The following FOXP2 variants were observed in gnomAD, a reference collection of about 807,000 sequenced individuals.
FOXP2 encodes forkhead box protein P2.
In FOXP2, 12 loss-of-function variants were observed where a neutral mutation model predicts 115.8. The ratio of observed to expected loss-of-function variants is 0.10; its 90% CI spans 0.07 to 0.17. The LOEUF (loss-of-function observed/expected upper bound fraction) is 0.17. Among genes scored for constraint, FOXP2 ranks in the 10% least tolerant of loss-of-function variants. The pLI, the probability that FOXP2 is intolerant of heterozygous loss-of-function variation, is 1.00. For synonymous variants in FOXP2, 328 were observed against 297.7 expected (o/e 1.10, Z -1.05); for missense variants, 629 against 843.5 (o/e 0.75, Z 3.15).
chr7:114,318,689 A>C lies in FOXP2; in HGVS notation c.-11+30580A>C, dbSNP rs1797335178. 2.7e-5 allele frequency among the ~76,000 whole-genome samples: 4 copies of C among 149,036 alleles called. No homozygotes were observed. The South Asian group carries it at 8.4e-4, about 31-fold the overall frequency. On this transcript the variant is annotated intron_variant, in intron 2 of 17. Transcript: ENST00000634411. ...ATATTTTTTCCAATATCAGACAACT[A>C]TTTTGAGGATTTAGATAATTCATAT...
At chr7:114,530,855 A>G (rs574727478) in intron 2 of FOXP2, among the ~76,000 whole-genome samples, 1 of 151,956 alleles carries the variant, frequency 6.6e-6, no homozygotes, top group African/African-American at 2.4e-5. Context: ...TAAGTATTTT[A>G]GAGAAAAAAT....
At chr7:114,491,944 T>G (rs979102636) in intron 2 of FOXP2, among the ~76,000 whole-genome samples, 2 of 152,182 alleles carry the variant, frequency 1.3e-5, no homozygotes, top group African/African-American at 4.8e-5. Flanking sequence ...TTAGGGAGGA[T>G]TCCCTCTTTT....
Position 114,106,894 on chromosome 7 carries a change from T to C in FOXP2, c.-247+19056T>C, listed in dbSNP as rs145277042. 7.1e-3 allele frequency among the ~76,000 whole-genome samples: 1,084 copies of C among 152,148 alleles called. 16 individuals are homozygous for C. Among genetic ancestry groups the C allele is most frequent in the African/African-American group, 0.024 (1,010 of 41,548 alleles). ...AGACCTTATTTATTTGCTTTACGTA[T>C]GTTTTTAAGTTAATAAACTCATAGT... On this transcript the variant is annotated intron_variant, in intron 1 of 19. Transcript: ENST00000635638.
At position 114,650,035 on chromosome 7, in the gene FOXP2, T is replaced by C. The variant is rs1016449119; in HGVS notation, c.1095-2168T>C. Among the ~76,000 whole-genome samples, 4 of 152,280 alleles carry C rather than the reference T, an allele frequency of 2.6e-5. No homozygotes were observed. The East Asian group carries it at 7.7e-4, about 29-fold the overall frequency. On this transcript the variant is annotated intron_variant, in intron 8 of 16. Transcript: ENST00000350908. Reference sequence around the variant, plus strand: ...GACTATTTTAATGGCAAGGTTCTTTTGTGTTCCACTGAAAAATTCAATCAA... The same window carrying C: ...GACTATTTTAATGGCAAGGTTCTTTCGTGTTCCACTGAAAAATTCAATCAA...
intron 2 of FOXP2, among the ~76,000 whole-genome samples, chr7:114,491,552 T>G (rs555490152): frequency 6.6e-6 from 1 of 152,080 alleles, no homozygotes; most frequent in Non-Finnish European, 1.5e-5. Context: ...TGCCATTGCT[T>G]TTGGTGTTTT....
At chr7:114,670,126 T>G (rs2129345135) in intron 16 of FOXP2, 2 of 152,154 alleles carry the variant, frequency 1.3e-5, no homozygotes, top group Middle Eastern at 6.8e-3. Context: ...CTCTATGTCA[T>G]TTCAAAGTTT....
At chr7:114,105,250 CATT>C (rs1351688824) in intron 1 of FOXP2, among the ~76,000 whole-genome samples, 3 of 151,872 alleles carry the variant, frequency 2.0e-5, no homozygotes, top group Non-Finnish European at 4.4e-5. Context: ...TCAATATATA[CATT>C]ATTTTAGTGG....
chr7:114,341,277 A>G (rs1791206298), intron 2 of FOXP2, among the ~76,000 whole-genome samples: 1 of 151,286 alleles, frequency 6.6e-6, no homozygotes, highest in Admixed American at 6.6e-5. Flanking sequence ...GCCTAAATGC[A>G]ATGTTTTCTA....
At chr7:114,298,614 T>G (rs1796801588) in intron 2 of FOXP2, among the ~76,000 whole-genome samples, 1 of 152,184 alleles carries the variant, frequency 6.6e-6, no homozygotes, top group African/African-American at 2.4e-5. Flanking sequence ...TCAGAAAAGT[T>G]AAATAATTTG....
At chr7:114,567,073 A>G (rs774208684) in intron 3 of FOXP2, among the ~76,000 whole-genome samples, 19 of 152,108 alleles carry the variant, frequency 1.2e-4, no homozygotes, top group Non-Finnish European at 2.6e-4. Context: ...TTTAGTATGT[A>G]TCATGAAGTC....
chr7:114,483,933 T>A (rs576760993), intron 2 of FOXP2, among the ~76,000 whole-genome samples: 50 of 151,746 alleles, frequency 3.3e-4, no homozygotes, highest in Non-Finnish European at 5.0e-4. Flanking sequence ...CTGGTCTACT[T>A]CTTCTAGTAC....
chr7:114,341,399 G>C (rs1481413369), intron 2 of FOXP2, among the ~76,000 whole-genome samples: 2 of 151,210 alleles, frequency 1.3e-5, no homozygotes, highest in Non-Finnish European at 3.0e-5. Flanking sequence ...ACAATCTTAT[G>C]ATTGATTAAA....
chr7:114,500,287 T>C (rs900640986), intron 2 of FOXP2, among the ~76,000 whole-genome samples: 4 of 150,770 alleles, frequency 2.7e-5, no homozygotes, highest in Non-Finnish European at 3.0e-5. Flanking sequence ...CTGAAACTTA[T>C]AGTGGCTCAA....
chr7:114,644,816 G>A (rs775325812), intron 8 of FOXP2, 27 bp downstream of exon 8: 1 of 1,563,630 alleles, frequency 6.4e-7, no homozygotes, highest in South Asian at 1.1e-5. Flanking sequence ...TTTTTGGTGG[G>A]GGGCGGGGGC....
At chr7:114,473,471 C>T (rs57915188) in intron 2 of FOXP2, among the ~76,000 whole-genome samples, 3,851 of 152,202 alleles carry the variant, frequency 0.025, 124 homozygotes, top group African/African-American at 0.074. Context: ...TTCTACAAAA[C>T]GAGTGTAAGT....
chr7:114,196,008 A>T (rs187765930), intron 1 of FOXP2, among the ~76,000 whole-genome samples: 254 of 152,146 alleles, frequency 1.7e-3, no homozygotes, highest in African/African-American at 5.9e-3. Context: ...TTAAAAAATT[A>T]ATTAATTAAT....
intron 3 of FOXP2, among the ~76,000 whole-genome samples, chr7:114,592,653 G>T (rs925532786): frequency 6.6e-6 from 1 of 151,854 alleles, no homozygotes; most frequent in African/African-American, 2.4e-5. Flanking sequence ...ATTTTTAACT[G>T]TACCTTTGGA....
intron 1 of FOXP2, among the ~76,000 whole-genome samples, chr7:114,238,695 C>G (rs908703865): frequency 3.3e-5 from 5 of 152,040 alleles, no homozygotes; most frequent in Admixed American, 3.3e-4. Context: ...TGGGTTGGGT[C>G]TGGGAGGCAG....
chr7:114,285,124 C>G (rs145511401), intron 1 of FOXP2, among the ~76,000 whole-genome samples: 1 of 152,082 alleles, frequency 6.6e-6, no homozygotes, highest in Non-Finnish European at 1.5e-5. Flanking sequence ...TAAGAAGTCC[C>G]TGTGGCATGA....
Sources: allele counts gnomAD v4.1 joint callset (sites outside exome capture counted in the v4.1 genomes callset), GRCh38; gene constraint gnomAD v4.1.1; transcripts MANE v1.5; gene names NCBI Gene and HGNC (gene_info 2026-07-23, HGNC 2026-07-21).